Variants in PMEPA1 observed in about 807,000 individuals in gnomAD.
PMEPA1 encodes prostate transmembrane protein, androgen induced 1, also known as protein TMEPAI.
PMEPA1 carries 11 observed loss-of-function variants against 23.0 expected under a neutral mutation model. The observed-to-expected ratio is 0.48, with a 90% confidence interval of 0.30 to 0.79. PMEPA1 has a LOEUF of 0.79. Ranked by LOEUF, PMEPA1 falls within the 30% of genes least tolerant of loss-of-function variation. The pLI, the probability that PMEPA1 is intolerant of heterozygous loss-of-function variation, is 0.06. For missense variants in PMEPA1, 377 were observed against 390.9 expected, an observed-to-expected ratio of 0.96 and a Z score of 0.30; for synonymous variants, 204 against 166.4, an observed-to-expected ratio of 1.23 and a Z score of -1.74.
Position 57,683,547 on chromosome 20 carries a change from C to CTT in PMEPA1, c.110-23851_110-23850insAA, listed in dbSNP as rs2071749904. Among the ~76,000 whole-genome samples the CTT allele has an allele frequency of 7.1e-6, 1 of 139,880 alleles. No individual in the cohort carries two copies. Among genetic ancestry groups the CTT allele is most frequent in the Non-Finnish European group, 1.5e-5 (1 of 67,026 alleles). 91.8% of individuals were successfully genotyped at this position (139,880 alleles called of 152,430 possible). On this transcript the variant is annotated intron_variant, in intron 1 of 3. Transcript: ENST00000341744. This position sits in a 1 kb window ranked among gnomAD's most constrained non-coding sequence, Gnocchi z 4.3. The stretch of plus-strand genomic sequence containing the variant: ...ACTAACTCGGTGGTGGTGTTCTGGC[C>CTT]TGTGTGCGTGTGTGTGTGTGTGTGT...
intron 1 of PMEPA1, among the ~76,000 whole-genome samples, chr20:57,709,182 C>T (rs1413450666): frequency 6.6e-6 from 1 of 151,498 alleles, no homozygotes; most frequent in Non-Finnish European, 1.5e-5. Flanking sequence ...GATCCGCCCG[C>T]CCCAACCCTC....
At chr20:57,705,159 G>A (rs1052656691) in intron 1 of PMEPA1, among the ~76,000 whole-genome samples, 10 of 152,222 alleles carry the variant, frequency 6.6e-5, no homozygotes, top group South Asian at 4.1e-4. Flanking sequence ...GCACGTGTGC[G>A]CATGCAAGCA....
At chr20:57,709,333 G>A (rs1056002728) in intron 1 of PMEPA1, 141 bp downstream of exon 1, 19 of 447,964 alleles carry the variant, frequency 4.2e-5, no homozygotes, top group Non-Finnish European at 5.7e-5. Context: ...GGGCGCGCCC[G>A]GGGCGCGGCG....
chr20:57,701,942 C>T (rs2072016962), intron 1 of PMEPA1, among the ~76,000 whole-genome samples: 1 of 152,126 alleles, frequency 6.6e-6, no homozygotes, highest in Non-Finnish European at 1.5e-5. Flanking sequence ...GCTAATGACA[C>T]AAAGATTCGA....
chr20:57,703,326 T>G (rs772894821), intron 1 of PMEPA1, among the ~76,000 whole-genome samples: 14 of 152,210 alleles, frequency 9.2e-5, no homozygotes, highest in Non-Finnish European at 1.8e-4. Flanking sequence ...AAATTTCAAT[T>G]GATTCTCACA....
chr20:57,660,845 C>T (rs770876793), intron 1 of PMEPA1, among the ~76,000 whole-genome samples: 4 of 151,796 alleles, frequency 2.6e-5, no homozygotes, highest in Non-Finnish European at 5.9e-5. Context: ...TCAACACCAA[C>T]ACACGACCCA....
rs1241339464 is a variant in PMEPA1, at chr20:57,677,456, GC to G, written c.110-17760del. On this transcript the variant is annotated intron_variant, in intron 1 of 3. Coordinates refer to ENST00000341744, the MANE Select transcript of PMEPA1 (RefSeq NM_020182.5). ...CTCGATGACCCTTATTTACCCTGGC[GC>G]TGTATCCGTGAGGGCTAACACCACA... is the stretch of plus-strand genomic sequence containing the variant. Among the ~76,000 whole-genome samples the G allele has an allele frequency of 7.9e-5, 12 of 152,272 alleles. No homozygotes were observed. In the East Asian group the frequency reaches 2.1e-3, roughly 27 times the overall value.
intron 2 of PMEPA1, among the ~76,000 whole-genome samples, chr20:57,657,987 G>A (rs562716663): frequency 6.6e-6 from 1 of 152,326 alleles, no homozygotes; most frequent in South Asian, 2.1e-4. Flanking sequence ...TGCCCCACGT[G>A]GTTGAGTTAC....
intron 1 of PMEPA1, among the ~76,000 whole-genome samples, chr20:57,672,922 G>A (rs1468185034): frequency 1.3e-5 from 2 of 152,208 alleles, no homozygotes; most frequent in Admixed American, 6.5e-5. Flanking sequence ...CTGGAAAAGC[G>A]GAATACCACT....
rs981207109 is a variant in PMEPA1, at chr20:57,683,909, G to A, written c.110-24212C>T. Among the ~76,000 whole-genome samples, 1 of 152,180 alleles carries A rather than the reference G, an allele frequency of 6.6e-6. No individual in the cohort carries two copies. Among genetic ancestry groups the A allele is most frequent in the Non-Finnish European group, 1.5e-5 (1 of 68,042 alleles). On this transcript the variant is annotated intron_variant, in intron 1 of 3. Coordinates refer to ENST00000341744, the MANE Select transcript of PMEPA1 (RefSeq NM_020182.5). This position sits in a 1 kb window ranked among gnomAD's most constrained non-coding sequence, Gnocchi z 4.3. Reference sequence around the variant, plus strand: ...GCTGCTCAACAGACCACTCCTGCCTGTGGGCTGTCTGTTTTGGGGGTAGAA... The same window carrying A: ...GCTGCTCAACAGACCACTCCTGCCTATGGGCTGTCTGTTTTGGGGGTAGAA...
chr20:57,663,060 G>A (rs1388117943), intron 1 of PMEPA1, among the ~76,000 whole-genome samples: 4 of 152,210 alleles, frequency 2.6e-5, no homozygotes, highest in South Asian at 2.1e-4. Flanking sequence ...TGAGAAAAAC[G>A]CTCCCAGAAA....
At chr20:57,670,460 C>A (rs2071552725) in intron 1 of PMEPA1, among the ~76,000 whole-genome samples, 1 of 152,186 alleles carries the variant, frequency 6.6e-6, no homozygotes, top group Non-Finnish European at 1.5e-5. Context: ...TGACTCACCA[C>A]AATCTTTCCT....
At chr20:57,679,380 A>G (rs998767796) in intron 1 of PMEPA1, among the ~76,000 whole-genome samples, 3 of 152,168 alleles carry the variant, frequency 2.0e-5, no homozygotes, top group Non-Finnish European at 4.4e-5. Flanking sequence ...GCAGGTGGCC[A>G]TGGGTGTGTA....
At chr20:57,669,309 C>T (rs1373736702) in intron 1 of PMEPA1, among the ~76,000 whole-genome samples, 2 of 152,072 alleles carry the variant, frequency 1.3e-5, no homozygotes, top group Non-Finnish European at 2.9e-5. Context: ...TACAGGCACC[C>T]GCCAGCACGC....
intron 1 of PMEPA1, among the ~76,000 whole-genome samples, chr20:57,685,812 A>G (rs951878085): frequency 6.6e-6 from 1 of 152,148 alleles, no homozygotes; most frequent in Non-Finnish European, 1.5e-5. Context: ...GGCGTGTGGC[A>G]AAAAAAGGTT....
rs771432193 is a variant in PMEPA1 at position 57,652,209 on chromosome 20, G to T, written c.708C>A (p.Ile236=). 1 of 1,609,484 alleles carries T rather than the reference G, an allele frequency of 6.2e-7. No individual in the cohort carries two copies. The highest frequency in any genetic ancestry group is 1.1e-5 in the South Asian group (1 of 90,862). Reference sequence around the variant, plus strand: ...GGAAGGAGGACCCCGGGTAGTGGCCGATGACCTCGCTGTAGGTGGGCGGCG... The same window carrying T: ...GGAAGGAGGACCCCGGGTAGTGGCCTATGACCTCGCTGTAGGTGGGCGGCG... The part of the protein sequence containing the change: ...EGPPPTYSEV[I]GHYPGSSFQH... Residue 236 remains isoleucine, a synonymous_variant, in exon 4 of 4, where the codon ATC becomes ATA. Coordinates refer to ENST00000341744, the MANE Select transcript of PMEPA1 (RefSeq NM_020182.5). This position sits in a 1 kb window ranked among gnomAD's most constrained non-coding sequence, Gnocchi z 6.1.
At chr20:57,677,706 T>C (rs1326395084) in intron 1 of PMEPA1, among the ~76,000 whole-genome samples, 1 of 152,170 alleles carries the variant, frequency 6.6e-6, no homozygotes, top group Non-Finnish European at 1.5e-5. Context: ...AGACTTAATG[T>C]TCACACAAAA....
Position 57,705,870 on chromosome 20 carries a change from G to A in PMEPA1, c.109+3604C>T, listed in dbSNP as rs974075471. Among the ~76,000 whole-genome samples the A allele has an allele frequency of 9.9e-5, 15 of 152,180 alleles. 1 individual carries two copies. Among genetic ancestry groups the A allele is most frequent in the Non-Finnish European group, 1.8e-4 (12 of 68,046 alleles). ...AGGGGTGCTGGTAACACCTTACAGA[G>A]CACAGGACGGCCTTTCCTGCCCCCC... On this transcript the variant is annotated intron_variant, in intron 1 of 3. Transcript: ENST00000341744.
intron 1 of PMEPA1, among the ~76,000 whole-genome samples, chr20:57,661,168 T>G (rs1200607924): frequency 6.6e-6 from 1 of 152,318 alleles, no homozygotes; most frequent in East Asian, 1.9e-4. Context: ...GATTTGTTTT[T>G]CCCCTAGAAG....
Sources: gnomAD v4.1 joint callset for allele counts (sites outside exome capture counted in the v4.1 genomes callset) on GRCh38, gnomAD v4.1.1 for gene constraint, Gnocchi (gnomAD v3.1) non-coding constraint, MANE v1.5 for transcripts, NCBI Gene and HGNC (gene_info 2026-07-23, HGNC 2026-07-21) for gene names.